Variants in CSMD2 observed in about 807,000 individuals in gnomAD.
CSMD2 encodes CUB and sushi domain-containing protein 2.
Under a neutral mutation model 398.5 loss-of-function variants are expected in CSMD2, and 130 were observed. That is an observed-to-expected ratio of 0.33 (90% CI 0.28 to 0.38). CSMD2 has a LOEUF of 0.38. Ranked by LOEUF, CSMD2 falls within the 10% of genes least tolerant of loss-of-function variation. The probability of loss-of-function intolerance (pLI) is 1.00; values close to 1 mark genes in which losing one functional copy is unlikely to be tolerated. For synonymous variants in CSMD2, 1,828 were observed against 1,908.5 expected (o/e 0.96, Z 1.10); for missense variants, 3,829 against 4,764.9 (o/e 0.80, Z 5.78).
In CSMD2 at chr1:33,636,841, C is replaced by T. The variant is rs1262764794; in HGVS notation, c.4775-287G>A. Among the ~76,000 whole-genome samples the T allele has an allele frequency of 6.6e-6, 1 of 152,194 alleles. No individual in the cohort carries two copies. The highest frequency in any genetic ancestry group is 2.4e-5 in the African/African-American group (1 of 41,464). ...CAGCAAAATCGCTGAGGCCCTCTCTCATCCCCTGCTTGCTCCTCCCCAAGG... is the reference window on the plus strand; with the variant it reads ...CAGCAAAATCGCTGAGGCCCTCTCTTATCCCCTGCTTGCTCCTCCCCAAGG... On this transcript the variant is annotated intron_variant, in intron 29 of 70. Coordinates refer to ENST00000373381, the MANE Select transcript of CSMD2 (RefSeq NM_001281956.2). The surrounding 1 kb of genome is among the most constrained non-coding windows in gnomAD (Gnocchi z 4.8).
intron 5 of CSMD2, among the ~76,000 whole-genome samples, chr1:33,916,803 G>A (rs1397200791): frequency 6.6e-6 from 1 of 152,060 alleles, no homozygotes; most frequent in Non-Finnish European, 1.5e-5. Flanking sequence ...CCATGGGTTT[G>A]TCTGATTTTC....
chr1:33,544,247 C>T (rs1306912273), intron 57 of CSMD2, among the ~76,000 whole-genome samples: 1 of 151,296 alleles, frequency 6.6e-6, no homozygotes, highest in Non-Finnish European at 1.5e-5. Flanking sequence ...CCTGGGACTA[C>T]AGGCGCCTGC....
chr1:34,059,718 G>GAATGAATGAA lies in CSMD2; in HGVS notation c.405-27013_405-27012insTTCATTCATT, dbSNP rs1654248868. ...CAGTAACTATGTGGGGAATGAATAC[G>GAATGAATGAA]TGAATGAATGAATGAATGAATGAAC... On this transcript the variant is annotated intron_variant, in intron 2 of 70. Coordinates refer to ENST00000373381, the MANE Select transcript of CSMD2 (RefSeq NM_001281956.2). Among the ~76,000 whole-genome samples, 12 of 151,460 alleles carry GAATGAATGAA rather than the reference G, an allele frequency of 7.9e-5. No individual in the cohort carries two copies. The East Asian group carries it at 1.7e-3, about 22-fold the overall frequency.
chr1:33,649,670 T>C lies in CSMD2; in HGVS notation c.4586+2653A>G, dbSNP rs561624330. Among the ~76,000 whole-genome samples, 7 of 152,188 alleles carry C rather than the reference T, an allele frequency of 4.6e-5. No homozygotes were observed. The East Asian group carries it at 1.2e-3, about 25-fold the overall frequency. The stretch of plus-strand genomic sequence containing the variant: ...GAAACAAAACAAAACAAAAACAATA[T>C]AATGAAATGACATTGAAGGAAACAT... On this transcript the variant is annotated intron_variant, in intron 28 of 70. Coordinates refer to ENST00000373381, the MANE Select transcript of CSMD2 (RefSeq NM_001281956.2).
At position 33,515,961 on chromosome 1, in the gene CSMD2, A is replaced by G. The variant is rs1242100282; in HGVS notation, c.*663T>C. The G allele has an allele frequency of 6.6e-6, 1 of 152,114 alleles. No individual in the cohort carries two copies. Among genetic ancestry groups the G allele is most frequent in the Non-Finnish European group, 1.5e-5 (1 of 68,016 alleles). 9.4% of individuals were successfully genotyped at this position (152,114 alleles called of 1,614,324 possible). A position where few individuals can be genotyped will look rare whatever the true frequency, so the allele number is the denominator to read the frequency against. ...AAATAAAGAAACTGATTTTCAATCT[A>G]TTTCCAAAGACTTTTTTCCTGCCCT... On this transcript the variant is annotated 3_prime_UTR_variant, in exon 71 of 71. Coordinates refer to ENST00000373381, the MANE Select transcript of CSMD2 (RefSeq NM_001281956.2).
chr1:34,052,870 G>C (rs986587122), intron 2 of CSMD2, among the ~76,000 whole-genome samples: 2 of 152,126 alleles, frequency 1.3e-5, no homozygotes, highest in East Asian at 1.9e-4. Flanking sequence ...CTTGGTAAGA[G>C]ACGACTAAGA....
At chr1:34,045,966 G>C (rs1652477979) in intron 2 of CSMD2, among the ~76,000 whole-genome samples, 1 of 152,354 alleles carries the variant, frequency 6.6e-6, no homozygotes, top group South Asian at 2.1e-4. Context: ...GTGCACCAAG[G>C]TGCCCCAGGG....
chr1:34,113,067 A>G (rs535131546), intron 1 of CSMD2: 9 of 152,394 alleles, frequency 5.9e-5, no homozygotes, highest in African/African-American at 1.9e-4. Context: ...ATGGATGGGA[A>G]GGTAGGACCC....
intron 13 of CSMD2, among the ~76,000 whole-genome samples, chr1:33,767,266 G>C (rs574141566): frequency 2.4e-4 from 36 of 152,264 alleles, no homozygotes; most frequent in African/African-American, 8.7e-4. Flanking sequence ...GTATAGATGG[G>C]TAAGAATAAA....
At chr1:34,161,934 A>T (rs979518765) in intron 1 of CSMD2, among the ~76,000 whole-genome samples, 4 of 151,994 alleles carry the variant, frequency 2.6e-5, no homozygotes, top group Non-Finnish European at 5.9e-5. Flanking sequence ...GCACTTTGGG[A>T]GGGCAAGGTG....
chr1:33,855,302 A>C (rs1284413068), intron 5 of CSMD2, among the ~76,000 whole-genome samples: 1 of 152,078 alleles, frequency 6.6e-6, no homozygotes, highest in Non-Finnish European at 1.5e-5. Flanking sequence ...AGCTGATTGG[A>C]TCCTGGTGGT....
At chr1:33,940,937 G>A (rs1350483868) in intron 3 of CSMD2, among the ~76,000 whole-genome samples, 1 of 152,164 alleles carries the variant, frequency 6.6e-6, no homozygotes, top group Non-Finnish European at 1.5e-5. Context: ...AGACATAGGA[G>A]ATTGGAGATA....
intron 5 of CSMD2, among the ~76,000 whole-genome samples, chr1:33,850,382 G>C (rs1638621691): frequency 6.6e-6 from 1 of 152,140 alleles, no homozygotes; most frequent in South Asian, 2.1e-4. Flanking sequence ...AAAGAAACTT[G>C]TTCATGGTCA....
chr1:33,729,152 G>A (rs747423992), intron 15 of CSMD2, among the ~76,000 whole-genome samples: 5 of 152,144 alleles, frequency 3.3e-5, no homozygotes, highest in Admixed American at 1.3e-4. Context: ...TTTACTGCCC[G>A]GGGAGCTACA....
intron 53 of CSMD2, among the ~76,000 whole-genome samples, chr1:33,560,704 T>C (rs1658460506): frequency 6.6e-6 from 1 of 152,234 alleles, no homozygotes; most frequent in African/African-American, 2.4e-5. Flanking sequence ...CATAGCACTG[T>C]CAGCAACCAA....
At chr1:33,830,174 A>C (rs140066267) in intron 6 of CSMD2, among the ~76,000 whole-genome samples, 20,574 of 152,226 alleles carry the variant, frequency 0.14, 1,938 homozygotes, top group South Asian at 0.35. Context: ...CCCAGCATGC[A>C]GCTGGAGATC....
At chr1:33,806,784 G>A (rs1182034112) in intron 10 of CSMD2, among the ~76,000 whole-genome samples, 1 of 152,186 alleles carries the variant, frequency 6.6e-6, no homozygotes, top group Non-Finnish European at 1.5e-5. Flanking sequence ...TAAATCTTCA[G>A]TGAATGGATT....
intron 5 of CSMD2, among the ~76,000 whole-genome samples, chr1:33,887,612 G>T (rs1185709155): frequency 4.6e-5 from 7 of 152,040 alleles, no homozygotes; most frequent in Non-Finnish European, 7.4e-5. Context: ...GTTATATAAT[G>T]GGAGAAAAAA....
intron 3 of CSMD2, among the ~76,000 whole-genome samples, chr1:34,016,636 G>C (rs1648153590): frequency 6.6e-6 from 1 of 152,164 alleles, no homozygotes; most frequent in Non-Finnish European, 1.5e-5. Context: ...CTGCTATAAA[G>C]ATACATGGAC....
Sources: gnomAD v4.1 joint callset for allele counts (sites outside exome capture counted in the v4.1 genomes callset) on GRCh38, gnomAD v4.1.1 for gene constraint, Gnocchi (gnomAD v3.1) non-coding constraint, MANE v1.5 for transcripts, NCBI Gene and HGNC (gene_info 2026-07-23, HGNC 2026-07-21) for gene names.